DLG2: variants seen among roughly 807,000 people sequenced by gnomAD.
The protein encoded by DLG2 is discs large MAGUK scaffold protein 2, also known as disks large homolog 2.
Under a neutral mutation model 132.5 loss-of-function variants are expected in DLG2, and 45 were observed. That is an observed-to-expected ratio of 0.34 (90% confidence interval 0.27 to 0.44). The LOEUF (loss-of-function observed/expected upper bound fraction) is 0.44, where lower values mean the gene tolerates loss of function less well. DLG2 is among the 20% of genes least tolerant of loss of function. The pLI is 1.00. For missense variants in DLG2, 1,045 were observed against 1,196.9 expected (o/e 0.87, Z 1.87); for synonymous variants, 424 against 419.6 (o/e 1.01, Z -0.13).
chr11:85,533,837 C>T (rs1257468781), intron 3 of DLG2, among the ~76,000 whole-genome samples: 5 of 152,138 alleles, frequency 3.3e-5, no homozygotes, highest in African/African-American at 1.2e-4. Flanking sequence ...GAAGCCTCCA[C>T]AAGTTTATAC....
At chr11:83,508,403 A>ATTTTTTTTTTTTT (rs746968613) in intron 21 of DLG2, among the ~76,000 whole-genome samples, 1,105 of 80,096 alleles carry the variant, frequency 0.014, 150 homozygotes, top group Middle Eastern at 0.025. Context: ...CGCCTGGCTA[A>ATTTTTTTTTTTTT]TTTTTTTTTT....
intron 19 of DLG2, among the ~76,000 whole-genome samples, chr11:83,579,846 T>C (rs1354418137): frequency 6.6e-6 from 1 of 151,884 alleles, no homozygotes; most frequent in Admixed American, 6.6e-5. Flanking sequence ...GGCATGTGCC[T>C]ATGGTCCCAG....
At chr11:84,052,844 C>T (rs1251181428) in intron 11 of DLG2, among the ~76,000 whole-genome samples, 1 of 151,928 alleles carries the variant, frequency 6.6e-6, no homozygotes, top group Non-Finnish European at 1.5e-5. Flanking sequence ...ATTAGTTTAG[C>T]CACTGTGGAA....
At chr11:83,694,722 G>A (rs2081581259) in intron 18 of DLG2, among the ~76,000 whole-genome samples, 1 of 141,672 alleles carries the variant, frequency 7.1e-6, no homozygotes, top group South Asian at 2.2e-4. Flanking sequence ...CAAGGGACTC[G>A]CGTCATAAAT....
intron 18 of DLG2, among the ~76,000 whole-genome samples, chr11:83,718,547 A>AT (rs1566683019): frequency 6.6e-6 from 1 of 151,122 alleles, no homozygotes; most frequent in Non-Finnish European, 1.5e-5. Flanking sequence ...AAAAAAAAAA[A>AT]AAAAGAAAGA....
intron 18 of DLG2, among the ~76,000 whole-genome samples, chr11:83,757,806 T>C (rs2093714449): frequency 1.3e-5 from 2 of 152,138 alleles, no homozygotes; most frequent in Non-Finnish European, 1.5e-5. Context: ...TCCTTTAATA[T>C]AACTACCACC....
intron 18 of DLG2, among the ~76,000 whole-genome samples, chr11:83,784,198 G>A (rs1566950346): frequency 6.6e-6 from 1 of 152,126 alleles, no homozygotes; most frequent in South Asian, 2.1e-4. Context: ...AAGGGCACTT[G>A]GTGAGAATTT....
At chr11:83,793,248 C>T (rs1012529603) in intron 17 of DLG2, among the ~76,000 whole-genome samples, 3 of 152,070 alleles carry the variant, frequency 2.0e-5, no homozygotes, top group Admixed American at 6.5e-5. Flanking sequence ...TTCTTTCGTA[C>T]ATTATTTCAT....
At chr11:85,110,211 A>G (rs1016239710) in intron 6 of DLG2, among the ~76,000 whole-genome samples, 1 of 152,014 alleles carries the variant, frequency 6.6e-6, no homozygotes, top group African/African-American at 2.4e-5. Flanking sequence ...TCAGTTCAAG[A>G]TCAGCCTGTT....
intron 3 of DLG2, among the ~76,000 whole-genome samples, chr11:85,528,700 C>T (rs774294243): frequency 1.3e-5 from 2 of 152,148 alleles, no homozygotes; most frequent in Non-Finnish European, 2.9e-5. Context: ...GAGTATGTGA[C>T]CCATGCAATT....
intron 6 of DLG2, among the ~76,000 whole-genome samples, chr11:85,098,397 T>G (rs1195134650): frequency 1.3e-5 from 2 of 152,174 alleles, no homozygotes; most frequent in Non-Finnish European, 2.9e-5. Context: ...CTTTTTTTGG[T>G]TTTGTATAGA....
intron 6 of DLG2, among the ~76,000 whole-genome samples, chr11:85,056,135 C>T (rs1327517776): frequency 4.6e-5 from 7 of 151,862 alleles, no homozygotes; most frequent in African/African-American, 1.7e-4. Flanking sequence ...ACAGAGTTGC[C>T]ATTGATACAG....
chr11:84,434,906 C>T (rs1348509443), intron 7 of DLG2, among the ~76,000 whole-genome samples: 1 of 127,778 alleles, frequency 7.8e-6, no homozygotes, highest in Non-Finnish European at 1.6e-5. Flanking sequence ...AAGAAATAAA[C>T]TGTCACCTAC....
At chr11:85,291,169 G>C (rs1325671018) in intron 3 of DLG2, among the ~76,000 whole-genome samples, 3 of 152,022 alleles carry the variant, frequency 2.0e-5, no homozygotes, top group Non-Finnish European at 4.4e-5. Flanking sequence ...TCAAATATAA[G>C]TAATGGAAAA....
intron 6 of DLG2, among the ~76,000 whole-genome samples, chr11:84,678,902 T>C (rs927540146): frequency 1.3e-5 from 2 of 152,078 alleles, no homozygotes; most frequent in East Asian, 1.9e-4. Context: ...GTAATACTTA[T>C]TGCATAAGTT....
chr11:84,070,917 T>C (rs144272005), intron 10 of DLG2, among the ~76,000 whole-genome samples: 1 of 152,100 alleles, frequency 6.6e-6, no homozygotes, highest in Admixed American at 6.6e-5. Flanking sequence ...CTGAAATTAA[T>C]CTTATCTCTT....
Position 84,402,666 on chromosome 11 carries a change from A to G in DLG2, c.519+131904T>C, listed in dbSNP as rs2098833831. Among the ~76,000 whole-genome samples the G allele has an allele frequency of 6.6e-5, 10 of 152,130 alleles. No individual in the cohort carries two copies. The South Asian group carries it at 1.9e-3, about 28-fold the overall frequency. On this transcript the variant is annotated intron_variant, in intron 7 of 27. Transcript: ENST00000376104. ...GAGAGGCCGAGGCGGGCGGACCACG[A>G]GCTCAGGAGATAAAGACCACCCCGG...
chr11:84,541,703 T>C lies in DLG2; in HGVS notation c.358-6972A>G, dbSNP rs1230428363. Among the ~76,000 whole-genome samples, 2 of 152,166 alleles carry C rather than the reference T, an allele frequency of 1.3e-5. 1 individual carries two copies. Among genetic ancestry groups the C allele is most frequent in the Middle Eastern group, 6.3e-3 (2 of 316 alleles). On this transcript the variant is annotated intron_variant, in intron 6 of 27. Transcript: ENST00000376104. ...AGAGATCAGTAAATGTAAGTTTAAC[T>C]GAATTAAACTGTAATTATCTGAGCA...
intron 6 of DLG2, among the ~76,000 whole-genome samples, chr11:84,857,833 T>C (rs1472381281): frequency 6.6e-6 from 1 of 152,086 alleles, no homozygotes; most frequent in South Asian, 2.1e-4. Context: ...GTTATTTCAA[T>C]TCTAAAGTTG....
Sources: gnomAD v4.1 joint callset for allele counts (sites outside exome capture counted in the v4.1 genomes callset) on GRCh38, gnomAD v4.1.1 for gene constraint, MANE v1.5 for transcripts, NCBI Gene and HGNC (gene_info 2026-07-23, HGNC 2026-07-21) for gene names.